FREM2: variants seen among roughly 807,000 people sequenced by gnomAD.
FREM2 encodes FRAS1 related extracellular matrix 2.
Under a neutral mutation model 219.9 loss-of-function variants are expected in FREM2, and 119 were observed. The observed-to-expected ratio is 0.54, with a 90% CI of 0.47 to 0.63. FREM2 has a LOEUF of 0.63. Ranked by LOEUF, FREM2 falls within the 30% of genes least tolerant of loss-of-function variation. FREM2 has a pLI of 0.00. For synonymous variants in FREM2, 1,562 were observed against 1,522.8 expected, an observed-to-expected ratio of 1.03 and a Z score of -0.60; for missense variants, 4,030 against 3,993.6, an observed-to-expected ratio of 1.01 and a Z score of -0.25.
intron 2 of FREM2, among the ~76,000 whole-genome samples, 200 bp downstream of exon 2, chr13:38,697,987 TTA>T (rs1258870755): frequency 1.3e-5 from 2 of 152,218 alleles, no homozygotes; most frequent in African/African-American, 4.8e-5. Flanking sequence ...AAAGTTCTAG[TTA>T]TATCACTTTT....
rs138280322 is a variant in FREM2, at chr13:38,713,192, G to T, written c.5263+15405G>T. 1.2e-3 allele frequency among the ~76,000 whole-genome samples: 177 copies of T among 152,248 alleles called. 1 individual carries two copies. In the East Asian group the frequency reaches 0.028, roughly 24 times the overall value. On this transcript the variant is annotated intron_variant, in intron 2 of 23. Coordinates refer to ENST00000280481, the MANE Select transcript of FREM2 (RefSeq NM_207361.6). The stretch of plus-strand genomic sequence containing the variant: ...AAATTCCTCCACAGTGCTTCATAGA[G>T]GAAGTCTTTGCATTTGTAAATGAAT...
At chr13:38,874,876 A>G (rs190285304) in intron 18 of FREM2, among the ~76,000 whole-genome samples, 1 of 152,370 alleles carries the variant, frequency 6.6e-6, no homozygotes, top group East Asian at 1.9e-4. Flanking sequence ...AGAGCATAGG[A>G]ATAATCATTT....
chr13:38,723,015 G>C (rs947332442), intron 2 of FREM2, among the ~76,000 whole-genome samples: 11 of 152,084 alleles, frequency 7.2e-5, no homozygotes, highest in Non-Finnish European at 1.6e-4. Flanking sequence ...AGGATCACTT[G>C]AAGTCAGGAG....
chr13:38,819,981 C>T (rs1010142727), intron 6 of FREM2, among the ~76,000 whole-genome samples: 3 of 152,142 alleles, frequency 2.0e-5, no homozygotes, highest in Non-Finnish European at 4.4e-5. Context: ...GGGAAGTTTA[C>T]AAGATGAAAC....
chr13:38,734,257 C>T (rs190539140), intron 2 of FREM2, among the ~76,000 whole-genome samples: 17 of 152,174 alleles, frequency 1.1e-4, no homozygotes, highest in Admixed American at 3.3e-4. Context: ...ATTCCTCCCC[C>T]GCAAAAATCA....
intron 2 of FREM2, among the ~76,000 whole-genome samples, chr13:38,750,564 T>A (rs889058590): frequency 2.0e-5 from 3 of 152,244 alleles, no homozygotes; most frequent in African/African-American, 7.2e-5. Context: ...TATTGGCTAT[T>A]GTGAATACTG....
intron 3 of FREM2, among the ~76,000 whole-genome samples, chr13:38,768,357 A>G (rs917142570): frequency 2.0e-5 from 3 of 152,100 alleles, no homozygotes; most frequent in South Asian, 2.1e-4. Flanking sequence ...ACAACTCACT[A>G]CAGTCTTGAC....
chr13:38,808,576 T>C (rs1875346196), intron 6 of FREM2, among the ~76,000 whole-genome samples: 1 of 151,900 alleles, frequency 6.6e-6, no homozygotes, highest in South Asian at 2.1e-4. Flanking sequence ...TCTCAGGGAA[T>C]ACAGAGGCCC....
At chr13:38,734,638 A>G (rs1365009749) in intron 2 of FREM2, among the ~76,000 whole-genome samples, 1 of 152,142 alleles carries the variant, frequency 6.6e-6, no homozygotes, top group Admixed American at 6.5e-5. Flanking sequence ...TCATTTGAAT[A>G]TAATAACAGC....
chr13:38,713,991 A>G (rs369560452), intron 2 of FREM2, among the ~76,000 whole-genome samples: 1 of 152,224 alleles, frequency 6.6e-6, no homozygotes, highest in East Asian at 1.9e-4. Context: ...TATGGAGGCT[A>G]CAATGACAAT....
Position 38,859,554 on chromosome 13 carries a change from C to G in FREM2, c.7483C>G (p.Leu2495Val), listed in dbSNP as rs767399981. The change falls in exon 14 of 24, where the codon CTC becomes GTC. Residue 2495 changes from leucine (L) to valine (V), a missense_variant. This residue lies in a region of FREM2 where 928 missense variants were observed against 1,042.9 expected (regional missense o/e 0.89). Transcript: ENST00000280481. ...CACCAATGGGGATGAAGGCCTGGAG[C>G]TCATGAGCCCTATTGTAACCATCAG... ...VNTNGDEGLE[L>V]MSPIVTISRE... 1 of 1,614,052 alleles carries G rather than the reference C, an allele frequency of 6.2e-7. No individual in the cohort carries two copies. Among genetic ancestry groups the G allele is most frequent in the Non-Finnish European group, 8.5e-7 (1 of 1,179,982 alleles).
At chr13:38,782,209 T>C (rs1874144800) in intron 4 of FREM2, among the ~76,000 whole-genome samples, 2 of 152,220 alleles carry the variant, frequency 1.3e-5, no homozygotes, top group African/African-American at 4.8e-5. Context: ...AAGTGTTTTC[T>C]GTGTGGGTGT....
chr13:38,696,123 C>A (rs1381885049), intron 1 of FREM2, among the ~76,000 whole-genome samples: 2 of 152,004 alleles, frequency 1.3e-5, no homozygotes, highest in African/African-American at 4.8e-5. Flanking sequence ...GTGAGACCCA[C>A]ATATCTATAT....
chr13:38,868,888 C>T (rs369059432), intron 16 of FREM2, among the ~76,000 whole-genome samples: 26 of 152,284 alleles, frequency 1.7e-4, no homozygotes, highest in African/African-American at 5.8e-4. Flanking sequence ...AAAAGCAAAC[C>T]ATCAGCACAG....
At chr13:38,710,388 G>T (rs1870722542) in intron 2 of FREM2, among the ~76,000 whole-genome samples, 1 of 152,098 alleles carries the variant, frequency 6.6e-6, no homozygotes, top group African/African-American at 2.4e-5. Context: ...GTTTAATTAG[G>T]TGAATCTATG....
At chr13:38,853,204 T>C (rs1328675558) in intron 11 of FREM2, among the ~76,000 whole-genome samples, 1 of 151,044 alleles carries the variant, frequency 6.6e-6, no homozygotes, top group South Asian at 2.1e-4. Flanking sequence ...GGCACACGCC[T>C]GTAATCCCAG....
At chr13:38,832,918 A>G (rs1259983445) in intron 6 of FREM2, among the ~76,000 whole-genome samples, 1 of 152,100 alleles carries the variant, frequency 6.6e-6, no homozygotes, top group African/African-American at 2.4e-5. Context: ...GCACGCTTGT[A>G]GTCCCAGCTA....
At chr13:38,770,949 AT>A (rs142935443) in intron 4 of FREM2, among the ~76,000 whole-genome samples, 2,682 of 152,302 alleles carry the variant, frequency 0.018, 98 homozygotes, top group African/African-American at 0.062. Context: ...TAAAGCTAGG[AT>A]CCTGTCAGAA....
In FREM2 at chr13:38,690,978, A is replaced by G. The variant is rs986166044; in HGVS notation, c.3634A>G (p.Ile1212Val). The change falls in exon 1 of 24, where the codon ATT becomes GTT. Residue 1212 changes from isoleucine to valine, a missense_variant. Ile to Val is a conservative substitution (Grantham distance 29, BLOSUM62 3). This residue lies in a region of FREM2 where 3,102 missense variants were observed against 2,950.7 expected (regional missense o/e 1.05). Coordinates refer to ENST00000280481, the MANE Select transcript of FREM2 (RefSeq NM_207361.6). Reference sequence around the variant, plus strand: ...CATGAGTCTGGTAATTGATACACCCATTCTCAATGCTGCTGATGCTGATGT... The same window carrying G: ...CATGAGTCTGGTAATTGATACACCCGTTCTCAATGCTGCTGATGCTGATGT... The part of the protein sequence containing the change: ...EGMSLVIDTP[I>V]LNAADADVPL... 2.5e-6 allele frequency: 4 copies of G among 1,614,040 alleles called. No homozygotes were observed. Among genetic ancestry groups the G allele is most frequent in the Admixed American group, 1.7e-5 (1 of 60,000 alleles).
Sources: gnomAD v4.1 joint callset for allele counts (sites outside exome capture counted in the v4.1 genomes callset) on GRCh38, gnomAD v4.1.1 for gene constraint, gnomAD v4.1.1 regional missense constraint, MANE v1.5 for transcripts, NCBI Gene and HGNC (gene_info 2026-07-23, HGNC 2026-07-21) for gene names.